Variants in HERC4 observed in about 807,000 individuals in gnomAD.
The protein encoded by HERC4 is probable E3 ubiquitin-protein ligase HERC4.
Under a neutral mutation model 124.3 loss-of-function variants are expected in HERC4, and 28 were observed. That is an observed-to-expected ratio of 0.23 (90% confidence interval 0.17 to 0.31). The LOEUF is 0.31. HERC4 is among the 10% of genes least tolerant of loss of function. The probability of loss-of-function intolerance (pLI) is 1.00; values close to 1 mark genes in which losing one functional copy is unlikely to be tolerated. For synonymous variants in HERC4, 407 were observed against 421.5 expected, an observed-to-expected ratio of 0.97 and a Z score of 0.42; for missense variants, 713 against 1,229.3, an observed-to-expected ratio of 0.58 and a Z score of 6.28.
At chr10:68,035,694 C>T (rs1249731316) in intron 5 of HERC4, among the ~76,000 whole-genome samples, 1 of 152,190 alleles carries the variant, frequency 6.6e-6, no homozygotes, top group Non-Finnish European at 1.5e-5. Context: ...ATATCAGTCA[C>T]TCACTATACT....
In HERC4 at chr10:67,939,720, G is replaced by GGA. The variant is rs1239075871; in HGVS notation, c.2505-68_2505-67dup. On this transcript the variant is annotated intron_variant, in intron 20 of 24. Coordinates refer to ENST00000373700, the MANE Select transcript of HERC4 (RefSeq NM_015601.4). ...TGGATATTTTGACTATTTTACTTATGGATATATATATATATATATACTTCT... is the reference window on the plus strand; with the variant it reads ...TGGATATTTTGACTATTTTACTTATGGAGATATATATATATATATATACTTCT... 5.4e-6 allele frequency: 4 copies of GGA among 741,710 alleles called. No homozygotes were observed. In the African/African-American group the frequency reaches 6.2e-5, roughly 11 times the overall value. The allele number at this position is 741,710 out of a possible 1,614,324, so 45.9% of individuals were successfully genotyped here.
intron 15 of HERC4, among the ~76,000 whole-genome samples, chr10:67,980,688 TACA>T (rs1033133459): frequency 4.4e-4 from 67 of 152,126 alleles, no homozygotes; most frequent in African/African-American, 1.5e-3. Context: ...AAATAACAAC[TACA>T]ACAACTTTTC....
At chr10:67,983,215 A>C (rs1292041429) in intron 15 of HERC4, among the ~76,000 whole-genome samples, 1 of 152,242 alleles carries the variant, frequency 6.6e-6, no homozygotes, top group Non-Finnish European at 1.5e-5. Flanking sequence ...AAAGACAGGC[A>C]ATAACAAATG....
chr10:68,051,941 T>C (rs1199570546), intron 3 of HERC4, among the ~76,000 whole-genome samples: 1 of 152,070 alleles, frequency 6.6e-6, no homozygotes, highest in East Asian at 1.9e-4. Context: ...AGTGTTGAGA[T>C]TACAGGCATG....
At chr10:67,966,835 A>T (rs748384585) in intron 15 of HERC4, 33 bp from the exon 16 acceptor site, 15 of 1,514,716 alleles carry the variant, frequency 9.9e-6, no homozygotes, top group Non-Finnish European at 1.3e-5. Flanking sequence ...CATTAAATTT[A>T]ACCAGTACTC....
At chr10:67,998,880 C>T (rs1453440385) in intron 9 of HERC4, among the ~76,000 whole-genome samples, 1 of 152,024 alleles carries the variant, frequency 6.6e-6, no homozygotes, top group Non-Finnish European at 1.5e-5. Context: ...GCTGGGACTA[C>T]AGGTGTGCAC....
At chr10:68,043,848 A>G (rs181520823) in intron 4 of HERC4, among the ~76,000 whole-genome samples, 55 of 152,284 alleles carry the variant, frequency 3.6e-4, no homozygotes, top group Admixed American at 5.2e-4. Flanking sequence ...ATTATGCCCT[A>G]TGTAACTGTG....
chr10:68,046,089 T>C (rs2039998892), intron 3 of HERC4, among the ~76,000 whole-genome samples: 1 of 135,584 alleles, frequency 7.4e-6, no homozygotes, highest in Non-Finnish European at 1.6e-5. Flanking sequence ...TACAGAAACA[T>C]ACAAAAACAA....
intron 21 of HERC4, among the ~76,000 whole-genome samples, chr10:67,937,238 T>A (rs10997881): frequency 6.6e-6 from 1 of 152,048 alleles, no homozygotes; most frequent in East Asian, 1.9e-4. Flanking sequence ...TTAAAAAAAA[T>A]ACTGTGTGAT....
intron 3 of HERC4, among the ~76,000 whole-genome samples, chr10:68,071,916 G>A (rs1286266014): frequency 3.3e-5 from 5 of 152,174 alleles, no homozygotes; most frequent in African/African-American, 7.2e-5. Context: ...ATGGTCGTGA[G>A]ATGATGTGAA....
chr10:67,995,611 G>A (rs190623613), intron 9 of HERC4, among the ~76,000 whole-genome samples: 2 of 149,206 alleles, frequency 1.3e-5, no homozygotes, highest in East Asian at 3.9e-4. Flanking sequence ...TAGATATTCA[G>A]GATATTAACC....
intron 9 of HERC4, among the ~76,000 whole-genome samples, chr10:68,004,360 TTTC>T (rs2037414410): frequency 1.3e-5 from 2 of 152,180 alleles, no homozygotes; most frequent in South Asian, 4.1e-4. Flanking sequence ...GTTTCTTCAC[TTTC>T]TTGTTTCCTT....
intron 9 of HERC4, among the ~76,000 whole-genome samples, chr10:68,002,230 A>C (rs536457881): frequency 6.6e-6 from 1 of 152,198 alleles, no homozygotes; most frequent in South Asian, 2.1e-4. Context: ...TACAAATGTC[A>C]ACCTTCATAG....
intron 16 of HERC4, among the ~76,000 whole-genome samples, chr10:67,963,359 G>A (rs899940519): frequency 3.3e-5 from 5 of 152,156 alleles, no homozygotes; most frequent in African/African-American, 1.2e-4. Context: ...TGGGATTACA[G>A]GTGCCCGCCA....
At position 68,069,778 on chromosome 10, in the gene HERC4, C is replaced by T. The variant is rs2041477886; in HGVS notation, c.226+3105G>A. ...GTGAAGTCAGCTGGGCACGGTGGCT[C>T]ACGCCTGTAATCCCAGCACTCTGGG... On this transcript the variant is annotated intron_variant, in intron 3 of 24. Transcript: ENST00000373700. The T allele has an allele frequency of 1.2e-5, 12 of 984,508 alleles. No individual in the cohort carries two copies. The Admixed American group carries it at 4.9e-4, about 40-fold the overall frequency. The allele number at this position is 984,508 out of a possible 1,614,324, so 61.0% of individuals were successfully genotyped here.
At chr10:67,995,404 CT>C (rs1440520108) in intron 9 of HERC4, 1 of 271,288 alleles carries the variant, frequency 3.7e-6, no homozygotes. Context: ...AATGCTTGAT[CT>C]ATTACAATTA....
chr10:67,932,842 T>C lies in HERC4; in HGVS notation c.2655-62A>G, dbSNP rs1433341382. ...AATCATGTATGAAGAATCCATAATGTAGTCATTAAAACTTCAAGTGCTCCT... is the reference window on the plus strand; with the variant it reads ...AATCATGTATGAAGAATCCATAATGCAGTCATTAAAACTTCAAGTGCTCCT... On this transcript the variant is annotated intron_variant, in intron 22 of 24. Transcript: ENST00000373700. 9.1e-6 allele frequency: 13 copies of C among 1,423,712 alleles called. No individual in the cohort carries two copies. The East Asian group carries it at 2.8e-4, about 31-fold the overall frequency. The allele number at this position is 1,423,712 out of a possible 1,614,324, so 88.2% of individuals were successfully genotyped here.
chr10:67,959,031 A>C, intron 16 of HERC4: 1 of 1,178,614 alleles, frequency 8.5e-7, no homozygotes, highest in Admixed American at 2.3e-5. Context: ...CACCAAAAAA[A>C]CGAATCTTTG....
At chr10:68,070,208 T>A (rs1039754179) in intron 3 of HERC4, 7 of 984,376 alleles carry the variant, frequency 7.1e-6, no homozygotes, top group Middle Eastern at 5.2e-4. Flanking sequence ...AATTCACAAA[T>A]TTAAAAAGGG....
Sources: gnomAD v4.1 joint callset for allele counts (sites outside exome capture counted in the v4.1 genomes callset) on GRCh38, gnomAD v4.1.1 for gene constraint, MANE v1.5 for transcripts, NCBI Gene and HGNC (gene_info 2026-07-23, HGNC 2026-07-21) for gene names.